Variants in SHOC1 observed in about 807,000 individuals in gnomAD.
The protein encoded by SHOC1 is shortage in chiasmata 1.
Under a neutral mutation model 179.2 loss-of-function variants are expected in SHOC1, and 136 were observed. That is an observed-to-expected ratio of 0.76 (90% confidence interval 0.66 to 0.87). The LOEUF is 0.87. SHOC1 is among the 40% of genes least tolerant of loss of function. The pLI, the probability that SHOC1 is intolerant of heterozygous loss-of-function variation, is 0.00. For synonymous variants in SHOC1, 489 were observed against 586.6 expected (o/e 0.83, Z 2.41); for missense variants, 1,538 against 1,700.8 (o/e 0.90, Z 1.68).
chr9:111,701,762 G>A (rs1391782963), intron 23 of SHOC1, among the ~76,000 whole-genome samples: 3 of 152,026 alleles, frequency 2.0e-5, no homozygotes, highest in East Asian at 1.9e-4. Flanking sequence ...AGACTCTTAC[G>A]TTCGAACTTA....
chr9:111,781,742 A>AATTAATTAATTAATT (rs1554724122), intron 3 of SHOC1, among the ~76,000 whole-genome samples: 2 of 106,670 alleles, frequency 1.9e-5, no homozygotes, highest in African/African-American at 6.6e-5. Context: ...ATAAATAAAT[A>AATTAATTAATTAATT]AATAAATAAA....
chr9:111,736,886 TA>T (rs1011268927), intron 12 of SHOC1, among the ~76,000 whole-genome samples: 19 of 151,686 alleles, frequency 1.3e-4, no homozygotes, highest in Non-Finnish European at 2.5e-4. Context: ...ACCACCCCAT[TA>T]AAAAATGGGC....
chr9:111,779,926 T>G (rs915432391), intron 4 of SHOC1, among the ~76,000 whole-genome samples: 2 of 152,238 alleles, frequency 1.3e-5, no homozygotes, highest in African/African-American at 2.4e-5. Flanking sequence ...CAGTCAAGGC[T>G]TAAAAGCTAC....
At position 111,702,221 on chromosome 9, in the gene SHOC1, T is replaced by C; in HGVS notation, c.2973A>G (p.Leu991=). 7.0e-7 allele frequency: 1 copy of C among 1,424,086 alleles called. No homozygotes were observed. The highest frequency in any genetic ancestry group is 9.8e-7 in the Non-Finnish European group (1 of 1,018,450). The allele number at this position is 1,424,086 out of a possible 1,614,324, so 88.2% of individuals were successfully genotyped here. Residue 991 remains leucine (L), a synonymous_variant, in exon 23 of 28, where the codon CTA becomes CTG. Transcript: ENST00000682961. ...ATGCCTTCTCATAATTCAATTCTTC[T>C]AGATCCTATCAGAAAATAAAGAAAA... ...DEHTAIILQD[L]EELNYEKASD... is the part of the protein sequence containing the mutation.
chr9:111,784,123 A>G (rs1304958818), intron 3 of SHOC1, among the ~76,000 whole-genome samples: 1 of 152,204 alleles, frequency 6.6e-6, no homozygotes, highest in Non-Finnish European at 1.5e-5. Context: ...TGAGGAAAGG[A>G]GGCCAAGGCC....
At chr9:111,726,814 T>A (rs944252143) in intron 13 of SHOC1, among the ~76,000 whole-genome samples, 7 of 152,202 alleles carry the variant, frequency 4.6e-5, no homozygotes, top group Non-Finnish European at 1.0e-4. Flanking sequence ...GTAAAAGTGC[T>A]TTATAAAGCA....
At position 111,703,074 on chromosome 9, in the gene SHOC1, C is replaced by T. The variant is rs531903742; in HGVS notation, c.2967+807G>A. ...GCAGTGAGCTATGATCGTGTCATTG[C>T]ACTCCGGGCTGGGCAATGGTGTGAG... On this transcript the variant is annotated intron_variant, in intron 22 of 27. Coordinates refer to ENST00000682961, the MANE Select transcript of SHOC1 (RefSeq NM_001378211.1). Among the ~76,000 whole-genome samples, 188 of 152,240 alleles carry T rather than the reference C, an allele frequency of 1.2e-3. 2 individuals are homozygous for T. The Middle Eastern group carries it at 0.014, about 11-fold the overall frequency.
chr9:111,727,540 A>G lies in SHOC1; in HGVS notation c.1834+93T>C, dbSNP rs908293468. ...TACAAAAAATAACATAATTTTATCT[A>G]GAAGAACTTTATCTCCTTGCCTTCT... is the stretch of plus-strand genomic sequence containing the variant. On this transcript the variant is annotated intron_variant, in intron 13 of 27. Coordinates refer to ENST00000682961, the MANE Select transcript of SHOC1 (RefSeq NM_001378211.1). The G allele has an allele frequency of 3.6e-6, 4 of 1,126,312 alleles. No individual in the cohort carries two copies. The African/African-American group carries it at 6.3e-5, about 18-fold the overall frequency. 69.8% of individuals were successfully genotyped at this position (1,126,312 alleles called of 1,614,324 possible).
rs1379358918 is a variant in SHOC1, at chr9:111,699,985, A to G, written c.3152T>C (p.Phe1051Ser). 2 of 1,609,184 alleles carry G rather than the reference A, an allele frequency of 1.2e-6. No individual in the cohort carries two copies. Among genetic ancestry groups the G allele is most frequent in the East Asian group, 2.2e-5 (1 of 44,666 alleles). Residue 1051 changes from phenylalanine to serine, a missense_variant, in exon 24 of 28, where the codon TTT (phenylalanine) becomes TCT (serine). Transcript: ENST00000682961. ...LALIYAALVSFGLNSEELDVK... is the reference protein window; with the variant it reads ...LALIYAALVSSGLNSEELDVK... Reference sequence around the variant, plus strand: ...ATCCAGTTCTTCAGAGTTTAGCCCAAATGAAACCAAAGCTGCATAAATCAG... The same window carrying G: ...ATCCAGTTCTTCAGAGTTTAGCCCAGATGAAACCAAAGCTGCATAAATCAG...
chr9:111,700,071 T>A, intron 23 of SHOC1, 24 bp from the exon 24 acceptor site: 15 of 1,110,768 alleles, frequency 1.4e-5, no homozygotes, highest in Non-Finnish European at 1.9e-5. Context: ...TATTACTATA[T>A]TTCTATTCAT....
chr9:111,707,394 GAA>G (rs5899966), intron 19 of SHOC1, among the ~76,000 whole-genome samples: 1 of 151,548 alleles, frequency 6.6e-6, no homozygotes, highest in Non-Finnish European at 1.5e-5. Context: ...CCCAATATTT[GAA>G]AAAAAATAAT....
At chr9:111,785,554 A>T (rs1409965340) in intron 3 of SHOC1, among the ~76,000 whole-genome samples, 1 of 152,182 alleles carries the variant, frequency 6.6e-6, no homozygotes, top group East Asian at 1.9e-4. Flanking sequence ...TTTTATACAT[A>T]TATGCTTAAA....
chr9:111,738,227 T>C (rs1833891006), intron 12 of SHOC1, 53 bp downstream of exon 12: 3 of 1,495,862 alleles, frequency 2.0e-6, no homozygotes, highest in Non-Finnish European at 2.7e-6. Context: ...GAATCTAACA[T>C]TTTCACATTC....
intron 3 of SHOC1, among the ~76,000 whole-genome samples, chr9:111,784,590 T>C (rs1398563597): frequency 6.6e-6 from 1 of 152,232 alleles, no homozygotes; most frequent in African/African-American, 2.4e-5. Flanking sequence ...AATCAGGTTA[T>C]ATCATTCCCT....
At position 111,706,716 on chromosome 9, in the gene SHOC1, T is replaced by C. The variant is rs1178107131; in HGVS notation, c.2589A>G (p.Gln863=). The C allele has an allele frequency of 1.2e-6, 2 of 1,606,224 alleles. No homozygotes were observed. Among genetic ancestry groups the C allele is most frequent in the South Asian group, 1.1e-5 (1 of 89,684 alleles). The change falls in exon 20 of 28, where the codon CAA becomes CAG. Residue 863 remains glutamine (Q), a synonymous_variant. Transcript: ENST00000682961. ...GTSSCVVVHN[Q]YIGADFPWSN... ...TCCAGGGGAAATCTGCTCCAATATA[T>C]TGATTATGTACAACTACACAGGAAC...
chr9:111,763,706 G>T (rs1296712907), intron 5 of SHOC1, among the ~76,000 whole-genome samples: 1 of 152,120 alleles, frequency 6.6e-6, no homozygotes, highest in Non-Finnish European at 1.5e-5. Context: ...TGACTAAACT[G>T]GCAGCTACAA....
chr9:111,753,056 AAAAG>A (rs1159307925), intron 8 of SHOC1, among the ~76,000 whole-genome samples: 1 of 152,142 alleles, frequency 6.6e-6, no homozygotes, highest in African/African-American at 2.4e-5. Flanking sequence ...CAACAATAAA[AAAAG>A]AAAGAAAGAA....
chr9:111,707,735 G>A (rs1832343178), intron 19 of SHOC1, 120 bp downstream of exon 19: 1 of 682,546 alleles, frequency 1.5e-6, no homozygotes, highest in East Asian at 2.8e-5. Context: ...CAGGAAGAGG[G>A]TAGAGGCATT....
Position 111,768,713 on chromosome 9 carries a change from T to C in SHOC1, c.442+7078A>G, listed in dbSNP as rs74849700. The stretch of plus-strand genomic sequence containing the variant: ...ACATCATGTTATCTACAAACAAGGC[T>C]AATTTGATTTCTTCCTTTCCAATTT... On this transcript the variant is annotated intron_variant, in intron 5 of 27. Coordinates refer to ENST00000682961, the MANE Select transcript of SHOC1 (RefSeq NM_001378211.1). Among the ~76,000 whole-genome samples, 327 of 152,350 alleles carry C rather than the reference T, an allele frequency of 2.1e-3. 7 individuals carry two copies. The East Asian group carries it at 0.057, about 27-fold the overall frequency.
Sources: allele counts gnomAD v4.1 joint callset (sites outside exome capture counted in the v4.1 genomes callset), GRCh38; gene constraint gnomAD v4.1.1; transcripts MANE v1.5; gene names NCBI Gene and HGNC (gene_info 2026-07-23, HGNC 2026-07-21).